Variants in PPP1R12A observed in about 807,000 individuals in gnomAD.
The protein encoded by PPP1R12A is myosin binding subunit.
A neutral mutation model predicts 139.6 loss-of-function variants in PPP1R12A; 19 were observed. That is an observed-to-expected ratio of 0.14 (90% CI 0.09 to 0.20). The LOEUF (loss-of-function observed/expected upper bound fraction) is 0.20. Ranked by LOEUF, PPP1R12A falls within the 10% of genes least tolerant of loss-of-function variation. The pLI, the probability that PPP1R12A is intolerant of heterozygous loss-of-function variation, is 1.00. For missense variants in PPP1R12A, 925 were observed against 1,211.5 expected (o/e 0.76, Z 3.51); for synonymous variants, 427 against 420.6 (o/e 1.02, Z -0.19).
chr12:79,868,246 G>T (rs1194084151), intron 2 of PPP1R12A, among the ~76,000 whole-genome samples: 1 of 152,128 alleles, frequency 6.6e-6, no homozygotes. Flanking sequence ...TTCAAGATTG[G>T]AACAATAAAT....
At chr12:79,830,575 A>C (rs1166775986) in intron 4 of PPP1R12A, among the ~76,000 whole-genome samples, 2 of 152,188 alleles carry the variant, frequency 1.3e-5, no homozygotes, top group African/African-American at 4.8e-5. Context: ...TGTCATTTCT[A>C]CTAGTAAGAG....
chr12:79,935,249 G>C, upstream of PPP1R12A: 1 of 1,150,800 alleles, frequency 8.7e-7, no homozygotes, highest in South Asian at 3.1e-5. Flanking sequence ...TGCGCCCTGG[G>C]CCTGTGCCCG....
At chr12:79,808,451 T>C in intron 11 of PPP1R12A, 32 bp downstream of exon 11, 1 of 1,387,376 alleles carries the variant, frequency 7.2e-7, no homozygotes. Flanking sequence ...GATTTTATAG[T>C]GAATGCATAA....
chr12:79,846,081 C>G (rs971762840), intron 2 of PPP1R12A, among the ~76,000 whole-genome samples: 2 of 152,080 alleles, frequency 1.3e-5, no homozygotes. Context: ...TCAATTAACA[C>G]AGATACATTA....
intron 1 of PPP1R12A, among the ~76,000 whole-genome samples, chr12:79,926,931 T>G (rs1887890060): frequency 6.6e-6 from 1 of 152,112 alleles, no homozygotes; most frequent in Non-Finnish European, 1.5e-5. Flanking sequence ...GTGCAGTGGC[T>G]CACGCCTGTA....
chr12:79,796,866 C>T lies in PPP1R12A; in HGVS notation c.2377G>A (p.Ala793Thr), dbSNP rs1872563743. 6.2e-7 allele frequency: 1 copy of T among 1,611,380 alleles called. No individual in the cohort carries two copies. The highest frequency in any genetic ancestry group is 8.5e-7 in the Non-Finnish European group (1 of 1,177,740). ...TTTGGCCTGTTTAGTTGACTTGAAG[C>T]ATACAGTGAACTGCTCATAGTAGAA... ...SLSTMSSSLY[A>T]SSQLNRPNSL... Residue 793 changes from alanine (A) to threonine (T), a missense_variant, in exon 17 of 25, where the codon GCT (alanine) becomes ACT (threonine). Around this residue, in one of 4 missense-constraint regions of PPP1R12A, gnomAD observed 315 missense variants for 363.4 expected, o/e 0.87. Coordinates refer to ENST00000450142, the MANE Select transcript of PPP1R12A (RefSeq NM_002480.3).
At chr12:79,794,028 T>C (rs1331059038) in intron 18 of PPP1R12A, 100 bp from the exon 19 acceptor site, 3 of 801,682 alleles carry the variant, frequency 3.7e-6, no homozygotes, top group Non-Finnish European at 5.7e-6. Context: ...TCTCAGAATA[T>C]ACATTGAGAC....
At chr12:79,787,335 T>A (rs1871248897) in intron 21 of PPP1R12A, 1 of 152,196 alleles carries the variant, frequency 6.6e-6, no homozygotes, top group African/African-American at 2.4e-5. Flanking sequence ...TTTCTTCCAC[T>A]CTACTAGCTA....
intron 22 of PPP1R12A, among the ~76,000 whole-genome samples, chr12:79,783,010 C>T (rs189846441): frequency 1.3e-5 from 2 of 152,144 alleles, no homozygotes; most frequent in South Asian, 2.1e-4. Context: ...ACAATTTTTA[C>T]GGTTATGGTG....
chr12:79,900,793 T>C (rs1211255664), intron 1 of PPP1R12A, among the ~76,000 whole-genome samples: 4 of 152,086 alleles, frequency 2.6e-5, no homozygotes, highest in Admixed American at 6.5e-5. Flanking sequence ...TCATAAACCA[T>C]AGTATAGAAG....
intron 23 of PPP1R12A, chr12:79,779,982 T>C (rs1040861346): frequency 6.5e-6 from 1 of 152,678 alleles, no homozygotes; most frequent in African/African-American, 2.4e-5. Flanking sequence ...GGTGAAAGGA[T>C]GCATAAAGCC....
chr12:79,844,226 C>G (rs1879125287), intron 3 of PPP1R12A, among the ~76,000 whole-genome samples: 1 of 152,080 alleles, frequency 6.6e-6, no homozygotes, highest in South Asian at 2.1e-4. Context: ...TATAAATGAA[C>G]ACCTCCCAAA....
chr12:79,898,788 A>T (rs1289522124), intron 1 of PPP1R12A, among the ~76,000 whole-genome samples: 1 of 152,030 alleles, frequency 6.6e-6, no homozygotes, highest in Non-Finnish European at 1.5e-5. Context: ...CCTTTCCGAC[A>T]TCTCTGCCTC....
chr12:79,797,530 A>G, intron 15 of PPP1R12A, 135 bp from the exon 16 acceptor site: 1 of 795,852 alleles, frequency 1.3e-6, no homozygotes, highest in Non-Finnish European at 1.9e-6. Flanking sequence ...TTGCAAATGG[A>G]AACAGCAAGT....
intron 2 of PPP1R12A, among the ~76,000 whole-genome samples, chr12:79,857,595 AAAT>A (rs888424901): frequency 3.3e-5 from 5 of 151,580 alleles, no homozygotes; most frequent in African/African-American, 1.2e-4. Context: ...AATAATAAAA[AAAT>A]AATAAAATAA....
chr12:79,803,986 G>T (rs1472591108), intron 14 of PPP1R12A, among the ~76,000 whole-genome samples: 2 of 152,054 alleles, frequency 1.3e-5, no homozygotes, highest in Non-Finnish European at 2.9e-5. Flanking sequence ...TTTGTCACTG[G>T]AGAAATTTTC....
At chr12:79,901,512 T>C (rs1324943373) in intron 1 of PPP1R12A, among the ~76,000 whole-genome samples, 1 of 151,288 alleles carries the variant, frequency 6.6e-6, no homozygotes, top group African/African-American at 2.4e-5. Context: ...AATGGTGTCA[T>C]TACAAAAAAA....
At chr12:79,778,623 T>C (rs916196722) in intron 23 of PPP1R12A, 23 bp from the exon 24 acceptor site, 7 of 1,439,110 alleles carry the variant, frequency 4.9e-6, no homozygotes, top group African/African-American at 1.4e-5. Context: ...AAGGTACCAA[T>C]GTTAGTTATA....
chr12:79,816,501 T>C (rs1875406330), intron 9 of PPP1R12A, among the ~76,000 whole-genome samples: 1 of 151,774 alleles, frequency 6.6e-6, no homozygotes, highest in Admixed American at 6.6e-5. Context: ...AAGAGACTAG[T>C]AGGTCAAACA....
Sources: gnomAD v4.1 joint callset for allele counts (sites outside exome capture counted in the v4.1 genomes callset) on GRCh38, gnomAD v4.1.1 for gene constraint, gnomAD v4.1.1 regional missense constraint, MANE v1.5 for transcripts, NCBI Gene and HGNC (gene_info 2026-07-23, HGNC 2026-07-21) for gene names.